DCUN1D1: variants seen among roughly 807,000 people sequenced by gnomAD.
DCUN1D1 encodes defective in cullin neddylation 1 domain containing 1.
Under a neutral mutation model 39.0 loss-of-function variants are expected in DCUN1D1, and 3 were observed. The ratio of observed to expected loss-of-function variants is 0.08; its 90% CI spans 0.04 to 0.20. DCUN1D1 has a LOEUF of 0.20. Ranked by LOEUF, DCUN1D1 falls within the 10% of genes least tolerant of loss-of-function variation. DCUN1D1 has a pLI of 1.00. For missense variants in DCUN1D1, 158 were observed against 302.4 expected (o/e 0.52, Z 3.54); for synonymous variants, 82 against 96.3 (o/e 0.85, Z 0.87).
chr3:182,959,233 G>A (rs533237307), intron 4 of DCUN1D1, among the ~76,000 whole-genome samples: 2 of 152,226 alleles, frequency 1.3e-5, no homozygotes, highest in Non-Finnish European at 2.9e-5. Context: ...AATCAAGTTG[G>A]AAAGGAGGCT....
chr3:182,961,502 A>ATGT, intron 3 of DCUN1D1, 146 bp from the exon 4 acceptor site: 1 of 754,542 alleles, frequency 1.3e-6, no homozygotes, highest in Non-Finnish European at 2.2e-6. Flanking sequence ...TATATTACAT[A>ATGT]AATATAAACA....
chr3:182,946,046 T>C (rs990145591), intron 6 of DCUN1D1, among the ~76,000 whole-genome samples: 1 of 151,746 alleles, frequency 6.6e-6, no homozygotes, highest in Non-Finnish European at 1.5e-5. Flanking sequence ...TTTCAAAAAA[T>C]ATCTCCATCT....
intron 6 of DCUN1D1, among the ~76,000 whole-genome samples, chr3:182,946,803 T>C (rs373777300): frequency 2.0e-5 from 3 of 151,960 alleles, no homozygotes; most frequent in Non-Finnish European, 4.4e-5. Context: ...AGGTATTTCA[T>C]ACATTCAGAA....
At chr3:182,972,056 T>TTC (rs1285209768) in intron 1 of DCUN1D1, among the ~76,000 whole-genome samples, 2 of 145,824 alleles carry the variant, frequency 1.4e-5, no homozygotes, top group Non-Finnish European at 3.0e-5. Flanking sequence ...TAGGGTTTTT[T>TTC]TTTTTTTTTT....
intron 4 of DCUN1D1, among the ~76,000 whole-genome samples, chr3:182,960,826 A>G (rs1727341193): frequency 6.6e-6 from 1 of 152,228 alleles, no homozygotes; most frequent in Admixed American, 6.5e-5. Flanking sequence ...CATAACAAAA[A>G]AGAATAAATT....
chr3:182,963,783 T>C, intron 3 of DCUN1D1, 98 bp downstream of exon 3: 1 of 1,065,154 alleles, frequency 9.4e-7, no homozygotes, highest in South Asian at 1.8e-5. Flanking sequence ...TACCAATGTT[T>C]GTGGGCCAGC....
chr3:182,976,434 T>TATAC (rs1360580105), intron 1 of DCUN1D1, among the ~76,000 whole-genome samples: 47 of 115,452 alleles, frequency 4.1e-4, no homozygotes, highest in Middle Eastern at 4.4e-3. Context: ...CACATGTACA[T>TATAC]ATACATACAT....
At chr3:182,949,718 AAAAC>A (rs1370681455) in intron 4 of DCUN1D1, among the ~76,000 whole-genome samples, 1 of 152,106 alleles carries the variant, frequency 6.6e-6, no homozygotes, top group African/African-American at 2.4e-5. Flanking sequence ...ACATCTCTTA[AAAAC>A]AAACAACACA....
intron 4 of DCUN1D1, among the ~76,000 whole-genome samples, chr3:182,959,039 A>G (rs1560170124): frequency 6.6e-6 from 1 of 152,232 alleles, no homozygotes. Context: ...TAATTATTTT[A>G]CACATACATG....
intron 4 of DCUN1D1, among the ~76,000 whole-genome samples, chr3:182,951,683 A>G (rs1726759277): frequency 6.7e-6 from 1 of 149,292 alleles, no homozygotes; most frequent in Admixed American, 6.6e-5. Flanking sequence ...CAGGTTGTAA[A>G]AGAAGATAAT....
chr3:182,971,615 T>G (rs1391254236), intron 1 of DCUN1D1, among the ~76,000 whole-genome samples: 1 of 151,790 alleles, frequency 6.6e-6, no homozygotes, highest in Non-Finnish European at 1.5e-5. Flanking sequence ...AAAAAAAAAT[T>G]TAAATGGTAA....
At chr3:182,977,763 G>A (rs1728312225) in intron 1 of DCUN1D1, among the ~76,000 whole-genome samples, 1 of 151,892 alleles carries the variant, frequency 6.6e-6, no homozygotes, top group Non-Finnish European at 1.5e-5. Flanking sequence ...GTTTCAGGCT[G>A]GCGTGGTGGC....
Position 182,959,910 on chromosome 3 carries a change from T to G in DCUN1D1, c.520+1316A>C, listed in dbSNP as rs569188626. On this transcript the variant is annotated intron_variant, in intron 4 of 6. Transcript: ENST00000292782. ...AGGGAATGGATTAGTTCCTGGAGTG[T>G]GTTATTATAAAGCGAGGCTTCCCCT... Among the ~76,000 whole-genome samples, 3 of 152,254 alleles carry G rather than the reference T, an allele frequency of 2.0e-5. No homozygotes were observed. In the East Asian group the frequency reaches 5.8e-4, roughly 29 times the overall value.
At chr3:182,980,145 G>GGGC in intron 1 of DCUN1D1, 1 of 838,484 alleles carries the variant, frequency 1.2e-6, no homozygotes, top group Non-Finnish European at 1.4e-6. Flanking sequence ...CAAGGCCGTT[G>GGGC]CCCCCTCCCC....
At chr3:182,958,230 C>CAA (rs938404288) in intron 4 of DCUN1D1, among the ~76,000 whole-genome samples, 1 of 140,994 alleles carries the variant, frequency 7.1e-6, no homozygotes, top group South Asian at 2.2e-4. Flanking sequence ...CAAAACAAAC[C>CAA]AAAAAAAAAA....
At chr3:182,967,128 CTATATATATA>C (rs60339329) in intron 1 of DCUN1D1, among the ~76,000 whole-genome samples, 37,993 of 143,408 alleles carry the variant, frequency 0.26, 5,252 homozygotes, top group African/African-American at 0.35. Context: ...AACAAAAAAA[CTATATATATA>C]TATATATATA....
At chr3:182,984,038 T>C (rs2108415096), upstream of DCUN1D1, among the ~76,000 whole-genome samples, 1 of 152,312 alleles carries the variant, frequency 6.6e-6, no homozygotes, top group East Asian at 1.9e-4. Context: ...ATTCTTTGAG[T>C]TTTCAGTGTC....
intron 1 of DCUN1D1, among the ~76,000 whole-genome samples, chr3:182,975,402 T>G (rs1728177453): frequency 1.3e-5 from 2 of 151,806 alleles, no homozygotes; most frequent in Admixed American, 6.6e-5. Flanking sequence ...GGTCTTGATC[T>G]CCTGACCTTG....
At chr3:182,963,209 G>T (rs73883971) in intron 3 of DCUN1D1, among the ~76,000 whole-genome samples, 1 of 152,294 alleles carries the variant, frequency 6.6e-6, no homozygotes, top group Admixed American at 6.5e-5. Context: ...CTAAAATGGG[G>T]ATAGAAAACT....
Sources: allele counts gnomAD v4.1 joint callset (sites outside exome capture counted in the v4.1 genomes callset), GRCh38; gene constraint gnomAD v4.1.1; transcripts MANE v1.5; gene names NCBI Gene and HGNC (gene_info 2026-07-23, HGNC 2026-07-21).